The following GRAMD2A variants were observed in gnomAD, a reference collection of about 807,000 sequenced individuals.
The protein encoded by GRAMD2A is GRAM domain containing 2A.
Under a neutral mutation model 51.1 loss-of-function variants are expected in GRAMD2A, and 37 were observed. The observed-to-expected ratio is 0.72, with a 90% CI of 0.56 to 0.95. The LOEUF is 0.95. GRAMD2A is among the 40% of genes least tolerant of loss of function. The pLI is 0.00. For missense variants in GRAMD2A, 414 were observed against 426.9 expected (o/e 0.97, Z 0.27); for synonymous variants, 136 against 157.1 (o/e 0.87, Z 1.01).
Position 72,161,827 on chromosome 15 carries a change from C to A in GRAMD2A, c.*182G>T. 1.6e-6 allele frequency: 1 copy of A among 639,816 alleles called. No individual in the cohort carries two copies. The highest frequency in any genetic ancestry group is 2.0e-5 in the South Asian group (1 of 49,596). The allele number at this position is 639,816 out of a possible 1,614,324, so 39.6% of individuals were successfully genotyped here. A position where few individuals can be genotyped will look rare whatever the true frequency, so the allele number is the denominator to read the frequency against. On this transcript the variant is annotated 3_prime_UTR_variant, in exon 12 of 12. Transcript: ENST00000309731. ...GTAGAAGCCAGTTACTTTGTAAACA[C>A]GTACTTCAGATCTCTCATAGAGGGA...
chr15:72,162,010 T>A lies in GRAMD2A; in HGVS notation c.1064A>T (p.Ter355LeuextTer96). 1.2e-6 allele frequency: 2 copies of A among 1,614,138 alleles called. No homozygotes were observed. Among genetic ancestry groups the A allele is most frequent in the South Asian group, 2.2e-5 (2 of 91,080 alleles). Residue 355 changes from the stop codon to leucine, a stop_lost and splice_region_variant, in exon 12 of 12, where the codon TAA becomes TTA. Transcript: ENST00000309731. ...ATGGGGACAAAGGCCAAGTGGCTGTTACCTGCACACAGGAAAGATGTCCAC... is the reference window on the plus strand; with the variant it reads ...ATGGGGACAAAGGCCAAGTGGCTGTAACCTGCACACAGGAAAGATGTCCAC... Reference protein sequence around the residue: ...SWDDPVPGHR* With the variant: ...SWDDPVPGHRL
At chr15:72,176,791 A>G (rs910232546) in intron 1 of GRAMD2A, among the ~76,000 whole-genome samples, 14 of 151,646 alleles carry the variant, frequency 9.2e-5, no homozygotes, top group Non-Finnish European at 1.9e-4. Context: ...TCAGGGGGAA[A>G]GGACACTCTC....
intron 1 of GRAMD2A, among the ~76,000 whole-genome samples, chr15:72,190,802 C>T (rs527729104): frequency 1.3e-5 from 2 of 152,174 alleles, no homozygotes; most frequent in South Asian, 2.1e-4. Flanking sequence ...AGACTCTCAA[C>T]GTAGCCTATG....
chr15:72,166,729 G>C lies in GRAMD2A; in HGVS notation c.472-26C>G. On this transcript the variant is annotated intron_variant, in intron 6 of 11. Coordinates refer to ENST00000309731, the MANE Select transcript of GRAMD2A (RefSeq NM_001012642.3). This position sits in a 1 kb window ranked among gnomAD's most constrained non-coding sequence, Gnocchi z 4.1. ...CTGGGACATGGAAAGAAAACAGACA[G>C]GGGTAGGGTGAGATGAGACTCCTTG... The C allele has an allele frequency of 6.3e-7, 1 of 1,593,736 alleles. No individual in the cohort carries two copies. The highest frequency in any genetic ancestry group is 8.6e-7 in the Non-Finnish European group (1 of 1,163,960).
At position 72,162,023 on chromosome 15, in the gene GRAMD2A, G is replaced by GA. The variant is rs2081481334; in HGVS notation, c.1062-12dup. ...CCAAGTGGCTGTTACCTGCACACAG[G>GA]AAAGATGTCCACATCAGGGAAAGGG... On this transcript the variant is annotated splice_polypyrimidine_tract_variant and intron_variant, in intron 11 of 11. Coordinates refer to ENST00000309731, the MANE Select transcript of GRAMD2A (RefSeq NM_001012642.3). The GA allele has an allele frequency of 1.9e-6, 3 of 1,614,120 alleles. No homozygotes were observed. In the African/African-American group the frequency reaches 4.0e-5, roughly 22 times the overall value.
intron 1 of GRAMD2A, among the ~76,000 whole-genome samples, chr15:72,185,763 T>C (rs1328290586): frequency 6.6e-6 from 1 of 152,226 alleles, no homozygotes; most frequent in African/African-American, 2.4e-5. Flanking sequence ...GAATTTAGTA[T>C]AGCATGAAGA....
intron 2 of GRAMD2A, 171 bp from the exon 3 acceptor site, chr15:72,169,167 A>C (rs2081581728): frequency 3.1e-6 from 2 of 648,054 alleles, no homozygotes; most frequent in East Asian, 5.5e-5. Flanking sequence ...ACACAGCTAA[A>C]CTATACAGCT....
At chr15:72,181,096 G>T (rs1036955112) in intron 1 of GRAMD2A, among the ~76,000 whole-genome samples, 6 of 152,338 alleles carry the variant, frequency 3.9e-5, no homozygotes, top group Admixed American at 2.6e-4. Flanking sequence ...ATATACAAAG[G>T]CCCCAAGGCC....
chr15:72,193,668 G>A (rs1031997687), intron 1 of GRAMD2A, among the ~76,000 whole-genome samples: 3 of 151,896 alleles, frequency 2.0e-5, no homozygotes, highest in Admixed American at 1.3e-4. Context: ...GACTACAGGC[G>A]CCCACCACCA....
intron 10 of GRAMD2A, chr15:72,162,897 AG>A: frequency 4.2e-6 from 1 of 240,608 alleles, no homozygotes. Flanking sequence ...GGTAGAGACA[AG>A]TCAGGGGTTC....
chr15:72,187,961 T>C (rs1204972156), intron 1 of GRAMD2A, among the ~76,000 whole-genome samples: 1 of 152,256 alleles, frequency 6.6e-6, no homozygotes, highest in Admixed American at 6.5e-5. Context: ...AAATTTTATG[T>C]GTAGACACCT....
intron 1 of GRAMD2A, among the ~76,000 whole-genome samples, chr15:72,178,606 T>C (rs2081672560): frequency 6.9e-6 from 1 of 145,932 alleles, no homozygotes; most frequent in East Asian, 2.0e-4. Flanking sequence ...GATGGAGTCT[T>C]GCTCTATCGC....
At chr15:72,191,302 C>T (rs1218202471) in intron 1 of GRAMD2A, among the ~76,000 whole-genome samples, 17 of 152,036 alleles carry the variant, frequency 1.1e-4, no homozygotes, top group African/African-American at 3.9e-4. Context: ...CGAGTTCAAG[C>T]GATTCTCCTG....
rs2081510179 is a variant in GRAMD2A at position 72,163,853 on chromosome 15, A to G, written c.601-96T>C. ...AGGTTTATCAGAGTTTTCTCCAGAT[A>G]TTACCAAATATAGATGCCTAGCCAG... On this transcript the variant is annotated intron_variant, in intron 8 of 11. Transcript: ENST00000309731. 4.6e-6 allele frequency: 6 copies of G among 1,304,348 alleles called. No individual in the cohort carries two copies. The South Asian group carries it at 7.0e-5, about 15-fold the overall frequency. 80.8% of individuals were successfully genotyped at this position (1,304,348 alleles called of 1,614,324 possible).
At chr15:72,169,593 G>T in intron 2 of GRAMD2A, 1 of 675,308 alleles carries the variant, frequency 1.5e-6, no homozygotes. Flanking sequence ...CTTTGCCTTG[G>T]CCAGGTTGGC....
chr15:72,190,568 A>G (rs185988423), intron 1 of GRAMD2A, among the ~76,000 whole-genome samples: 52 of 152,284 alleles, frequency 3.4e-4, no homozygotes, highest in African/African-American at 1.1e-3. Context: ...AAGATTCATT[A>G]ACTTTTCCAG....
chr15:72,194,242 G>A (rs529858695), intron 1 of GRAMD2A, among the ~76,000 whole-genome samples: 1 of 152,328 alleles, frequency 6.6e-6, no homozygotes, highest in East Asian at 1.9e-4. Context: ...ATTTTCTGGT[G>A]TTCAGGCTCA....
At chr15:72,192,779 T>C (rs940270294) in intron 1 of GRAMD2A, among the ~76,000 whole-genome samples, 1 of 152,190 alleles carries the variant, frequency 6.6e-6, no homozygotes, top group African/African-American at 2.4e-5. Flanking sequence ...AAATTAACAA[T>C]GTAATTACAA....
At chr15:72,187,804 G>A (rs918333918) in intron 1 of GRAMD2A, among the ~76,000 whole-genome samples, 4 of 152,276 alleles carry the variant, frequency 2.6e-5, no homozygotes, top group East Asian at 3.9e-4. Flanking sequence ...AGGTGTGAGT[G>A]AGTCACTGTA....
Sources: gnomAD v4.1 joint callset for allele counts (sites outside exome capture counted in the v4.1 genomes callset) on GRCh38, gnomAD v4.1.1 for gene constraint, Gnocchi (gnomAD v3.1) non-coding constraint, MANE v1.5 for transcripts, NCBI Gene and HGNC (gene_info 2026-07-23, HGNC 2026-07-21) for gene names.